Variants in RNF185 observed in about 807,000 individuals in gnomAD.
The protein encoded by RNF185 is E3 ubiquitin-protein ligase RNF185.
RNF185 carries 13 observed loss-of-function variants against 24.9 expected under a neutral mutation model. The ratio of observed to expected loss-of-function variants is 0.52; its 90% CI spans 0.34 to 0.83. The LOEUF (loss-of-function observed/expected upper bound fraction) is 0.83. RNF185 is among the 40% of genes least tolerant of loss of function. The probability of loss-of-function intolerance (pLI) is 0.01; values close to 1 mark genes in which losing one functional copy is unlikely to be tolerated. For missense variants in RNF185, 184 were observed against 244.7 expected (o/e 0.75, Z 1.65); for synonymous variants, 79 against 90.3 (o/e 0.88, Z 0.71).
chr22:31,192,537 G>T (rs2091312037), intron 2 of RNF185, 147 bp from the exon 3 acceptor site: 1 of 693,176 alleles, frequency 1.4e-6, no homozygotes, highest in Non-Finnish European at 2.6e-6. Context: ...ACCTCAATGG[G>T]CATGCAGTGC....
intron 1 of RNF185, among the ~76,000 whole-genome samples, chr22:31,169,941 G>C (rs1924174687): frequency 6.6e-6 from 1 of 152,152 alleles, no homozygotes; most frequent in African/African-American, 2.4e-5. Context: ...CCCGAGTGTT[G>C]GATCCTTGTC....
chr22:31,188,039 C>G (rs2147947863), intron 2 of RNF185, among the ~76,000 whole-genome samples: 1 of 152,086 alleles, frequency 6.6e-6, no homozygotes, highest in Non-Finnish European at 1.5e-5. Context: ...CAGGGAGTTT[C>G]TAGGGACAGG....
chr22:31,180,909 C>CTG (rs1268107252), intron 1 of RNF185, among the ~76,000 whole-genome samples: 11 of 128,752 alleles, frequency 8.5e-5, no homozygotes, highest in South Asian at 5.0e-4. Flanking sequence ...CATTTTCTCT[C>CTG]TCTCTCTGTG....
intron 1 of RNF185, among the ~76,000 whole-genome samples, chr22:31,179,158 G>A (rs544078538): frequency 1.6e-4 from 25 of 152,340 alleles, no homozygotes; most frequent in African/African-American, 5.5e-4. Context: ...CTGTGGTTAG[G>A]TGAAAGTCTA....
In RNF185 at chr22:31,173,416, G is replaced by GACACACAGACAC. The variant is rs71319168; in HGVS notation, c.-49+13120_-49+13121insGACACACACACA. Among the ~76,000 whole-genome samples, 388 of 146,902 alleles carry GACACACAGACAC rather than the reference G, an allele frequency of 2.6e-3. 3 individuals carry two copies. Among genetic ancestry groups the GACACACAGACAC allele is most frequent in the Non-Finnish European group, 4.2e-3 (283 of 67,042 alleles). On this transcript the variant is annotated intron_variant, in intron 1 of 6. Transcript: ENST00000326132. ...CTGTCAACTCATTCACACACACACA[G>GACACACAGACAC]ACACACACACACACACACACACACA...
At chr22:31,203,410 G>A (rs1471662315) in intron 6 of RNF185, among the ~76,000 whole-genome samples, 5 of 152,210 alleles carry the variant, frequency 3.3e-5, no homozygotes, top group Non-Finnish European at 7.3e-5. Context: ...GCCCTTGAGA[G>A]GCAGTGTGTG....
intron 2 of RNF185, among the ~76,000 whole-genome samples, chr22:31,190,695 C>A (rs536362719): frequency 6.6e-6 from 1 of 152,142 alleles, no homozygotes; most frequent in African/African-American, 2.4e-5. Context: ...CCTCCACCTC[C>A]CAGGTTCAAG....
intron 3 of RNF185, among the ~76,000 whole-genome samples, chr22:31,194,006 CCT>C (rs2048180246): frequency 6.6e-6 from 1 of 150,528 alleles, no homozygotes; most frequent in African/African-American, 2.4e-5. Flanking sequence ...GATTCTTGTG[CCT>C]CAGCCTCCTG....
At chr22:31,160,500 G>A (rs1923498147) in intron 1 of RNF185, among the ~76,000 whole-genome samples, 197 bp downstream of exon 1, 1 of 152,204 alleles carries the variant, frequency 6.6e-6, no homozygotes, top group Non-Finnish European at 1.5e-5. Flanking sequence ...TACAGATTGG[G>A]GAAACTGAGG....
At chr22:31,196,786 C>A (rs1601374784) in intron 4 of RNF185, 150 bp from the exon 5 acceptor site, 1 of 979,798 alleles carries the variant, frequency 1.0e-6, no homozygotes, top group Non-Finnish European at 1.5e-6. Flanking sequence ...ATGAAGAGTT[C>A]GTATTTGGAG....
In RNF185 at chr22:31,201,530, C is replaced by T. The variant is rs567098456; in HGVS notation, c.396C>T (p.Gly132=). 3 of 1,611,998 alleles carry T rather than the reference C, an allele frequency of 1.9e-6. No homozygotes were observed. The highest frequency in any genetic ancestry group is 2.5e-6 in the Non-Finnish European group (3 of 1,179,726). ...AAGGATTTGGATTTGGAGATGGTGGCTTCCAGATGTCTTTTGGAATTGGGG... is the reference window on the plus strand; with the variant it reads ...AAGGATTTGGATTTGGAGATGGTGGTTTCCAGATGTCTTTTGGAATTGGGG... ...GFQGFGFGDG[G]FQMSFGIGAF... Residue 132 remains glycine, a synonymous_variant, in exon 6 of 7, where the codon GGC becomes GGT. Coordinates refer to ENST00000326132, the MANE Select transcript of RNF185 (RefSeq NM_152267.4).
At position 31,187,200 on chromosome 22, in the gene RNF185, A is replaced by G. The variant is rs1359085083; in HGVS notation, c.106A>G (p.Thr36Ala). 5 of 1,614,110 alleles carry G rather than the reference A, an allele frequency of 3.1e-6. No homozygotes were observed. Among genetic ancestry groups the G allele is most frequent in the Non-Finnish European group, 4.2e-6 (5 of 1,179,962 alleles). The change falls in exon 2 of 7, where the codon ACT becomes GCT. Residue 36 changes from threonine (T) to alanine (A), a missense_variant. Thr to Ala is a moderately conservative substitution (Grantham distance 58). Transcript: ENST00000326132. ...GAGESGGQDS[T>A]FECNICLDTA... ...TGGCGAGAGCGGAGGGCAGGACAGC[A>G]CTTTCGAGTGCAACATCTGCTTGGA...
intron 1 of RNF185, among the ~76,000 whole-genome samples, chr22:31,180,085 C>T (rs1370174770): frequency 7.7e-6 from 1 of 129,586 alleles, no homozygotes. Context: ...AAAACCAGAA[C>T]ATGGGGTGGA....
intron 1 of RNF185, among the ~76,000 whole-genome samples, chr22:31,164,411 G>T (rs1923776306): frequency 1.3e-5 from 2 of 152,166 alleles, no homozygotes; most frequent in South Asian, 4.2e-4. Flanking sequence ...ATCCAAACAA[G>T]AAATTTAACA....
At chr22:31,173,194 C>G (rs1451979597) in intron 1 of RNF185, among the ~76,000 whole-genome samples, 2 of 151,396 alleles carry the variant, frequency 1.3e-5, no homozygotes, top group Non-Finnish European at 2.9e-5. Context: ...GAAACTACTT[C>G]TGGTTGCAGA....
At chr22:31,197,214 A>G (rs1054796381) in intron 5 of RNF185, 2 of 473,694 alleles carry the variant, frequency 4.2e-6, no homozygotes, top group South Asian at 2.4e-5. Context: ...ATAATTATAT[A>G]TACACACAAA....
Position 31,171,360 on chromosome 22 carries a change from T to C in RNF185, c.-49+11057T>C, listed in dbSNP as rs2047927931. On this transcript the variant is annotated intron_variant, in intron 1 of 6. Transcript: ENST00000326132. ...AATTTTTTTTTTTTTTTGGTGTTTT[T>C]AGTAGAGACAGGGTTTCACTATGTT... 3.3e-5 allele frequency among the ~76,000 whole-genome samples: 5 copies of C among 151,158 alleles called. No individual in the cohort carries two copies. The South Asian group carries it at 1.0e-3, about 32-fold the overall frequency.
At chr22:31,184,142 C>T (rs1032623599) in intron 1 of RNF185, among the ~76,000 whole-genome samples, 13 of 150,286 alleles carry the variant, frequency 8.7e-5, no homozygotes, top group South Asian at 2.1e-4. Context: ...CGGGCAGAGA[C>T]GCTCCTCACT....
chr22:31,181,710 T>A (rs1602815609), intron 1 of RNF185, among the ~76,000 whole-genome samples: 1 of 152,234 alleles, frequency 6.6e-6, no homozygotes, highest in East Asian at 1.9e-4. Context: ...TGTAGGGACG[T>A]GGATGAAGCT....
Sources: allele counts gnomAD v4.1 joint callset (sites outside exome capture counted in the v4.1 genomes callset), GRCh38; gene constraint gnomAD v4.1.1; transcripts MANE v1.5; gene names NCBI Gene and HGNC (gene_info 2026-07-23, HGNC 2026-07-21).